Variants in CHST15 observed in about 807,000 individuals in gnomAD.
The protein encoded by CHST15 is B cell RAG associated protein (GALNAC4S-6ST).
In CHST15, 30 loss-of-function variants were observed where a neutral mutation model predicts 53.6. That is an observed-to-expected ratio of 0.56 (90% CI 0.42 to 0.76). The LOEUF is 0.76. Ranked by LOEUF, CHST15 falls within the 30% of genes least tolerant of loss-of-function variation. The probability of loss-of-function intolerance (pLI) is 0.00; values close to 1 mark genes in which losing one functional copy is unlikely to be tolerated. For missense variants in CHST15, 627 were observed against 740.5 expected, an observed-to-expected ratio of 0.85 and a Z score of 1.78; for synonymous variants, 296 against 289.8, an observed-to-expected ratio of 1.02 and a Z score of -0.22.
chr10:124,012,214 C>T (rs773788862), intron 7 of CHST15, 119 bp downstream of exon 7: 46 of 1,155,178 alleles, frequency 4.0e-5, no homozygotes, highest in Non-Finnish European at 5.4e-5. Flanking sequence ...CATCCCCAGG[C>T]CTCCCAGCTC....
chr10:124,086,582 C>T (rs1404185700), intron 1 of CHST15, among the ~76,000 whole-genome samples: 6 of 152,214 alleles, frequency 3.9e-5, no homozygotes, highest in African/African-American at 1.4e-4. Context: ...ACTTCCTTGC[C>T]CACTGGTTCA....
chr10:124,078,528 T>G (rs1271796372), intron 1 of CHST15, among the ~76,000 whole-genome samples: 1 of 152,200 alleles, frequency 6.6e-6, no homozygotes, highest in Non-Finnish European at 1.5e-5. Context: ...TCTTTATGTC[T>G]CAGAATCTCT....
rs375538378 is a variant in CHST15, at chr10:124,059,713, C to T, written c.-512-12989G>A. Among the ~76,000 whole-genome samples the T allele has an allele frequency of 1.2e-4, 18 of 152,266 alleles. No homozygotes were observed. In the East Asian group the frequency reaches 2.9e-3, roughly 24 times the overall value. ...CACCCTAGAATGAATCCATTACAGG[C>T]GGCGCGACTGAAAGGGGAGCAGCTG... On this transcript the variant is annotated intron_variant, in intron 1 of 7. Transcript: ENST00000435907.
intron 1 of CHST15, among the ~76,000 whole-genome samples, chr10:124,083,162 T>A (rs1024262791): frequency 7.9e-5 from 12 of 152,200 alleles, no homozygotes; most frequent in Non-Finnish European, 1.2e-4. Context: ...TGATTTTTTT[T>A]AATAAATCAG....
At chr10:124,066,226 A>T (rs1209914878) in intron 1 of CHST15, among the ~76,000 whole-genome samples, 1 of 152,068 alleles carries the variant, frequency 6.6e-6, no homozygotes, top group Non-Finnish European at 1.5e-5. Flanking sequence ...CAAGTTACAG[A>T]GTGTTGGGCT....
chr10:124,078,541 G>T (rs887389525), intron 1 of CHST15, among the ~76,000 whole-genome samples: 1 of 152,180 alleles, frequency 6.6e-6, no homozygotes, highest in African/African-American at 2.4e-5. Context: ...GAATCTCTCA[G>T]ATCTGAGGTA....
chr10:124,080,925 T>G (rs1284432660), intron 1 of CHST15, among the ~76,000 whole-genome samples: 1 of 152,220 alleles, frequency 6.6e-6, no homozygotes, highest in Non-Finnish European at 1.5e-5. Flanking sequence ...ACACATTTCC[T>G]GTTCTGAAGG....
intron 1 of CHST15, among the ~76,000 whole-genome samples, chr10:124,056,080 T>C (rs947160021): frequency 2.0e-5 from 3 of 152,170 alleles, no homozygotes; most frequent in Admixed American, 1.3e-4. Flanking sequence ...CAGCCCATTA[T>C]AGAAAGATGG....
rs913789665 is a variant in CHST15 at position 124,009,922 on chromosome 10, TG to T, written c.*226del. 70 of 1,370,488 alleles carry T rather than the reference TG, an allele frequency of 5.1e-5. No homozygotes were observed. In the African/African-American group the frequency reaches 9.7e-4, roughly 19 times the overall value. 84.9% of individuals were successfully genotyped at this position (1,370,488 alleles called of 1,614,324 possible). A position where few individuals can be genotyped will look rare whatever the true frequency, so the allele number is the denominator to read the frequency against. ...GAGCAGAGCTGAATTCTTGAGAAACTGGGGTCTCCAATGGCCTCGGATAGAG... is the reference window on the plus strand; with the variant it reads ...GAGCAGAGCTGAATTCTTGAGAAACTGGGTCTCCAATGGCCTCGGATAGAG... On this transcript the variant is annotated 3_prime_UTR_variant, in exon 8 of 8. Coordinates refer to ENST00000435907, the MANE Select transcript of CHST15 (RefSeq NM_001270764.2).
chr10:124,074,125 C>T lies in CHST15; in HGVS notation c.-513+19344G>A, dbSNP rs1488466605. Among the ~76,000 whole-genome samples, 1 of 152,210 alleles carries T rather than the reference C, an allele frequency of 6.6e-6. No individual in the cohort carries two copies. The highest frequency in any genetic ancestry group is 2.4e-5 in the African/African-American group (1 of 41,438). On this transcript the variant is annotated intron_variant, in intron 1 of 7. Coordinates refer to ENST00000435907, the MANE Select transcript of CHST15 (RefSeq NM_001270764.2). This position sits in a 1 kb window ranked among gnomAD's most constrained non-coding sequence, Gnocchi z 4.4. ...AGGACAGAAGTGGGTGTGATTAGCG[C>T]AAGCTCAAGTCACGCCTGCTGCACC... is the stretch of plus-strand genomic sequence containing the variant.
intron 1 of CHST15, among the ~76,000 whole-genome samples, chr10:124,059,395 A>AT (rs1182078791): frequency 2.6e-5 from 4 of 152,124 alleles, no homozygotes; most frequent in African/African-American, 4.8e-5. Flanking sequence ...CTGTCCAACA[A>AT]TTTTTCCTTG....
At chr10:124,062,356 G>T (rs890355552) in intron 1 of CHST15, among the ~76,000 whole-genome samples, 3 of 152,142 alleles carry the variant, frequency 2.0e-5, no homozygotes, top group African/African-American at 7.2e-5. Context: ...GAAACATGGC[G>T]GGGAGGAAAG....
At chr10:124,039,205 C>G (rs56673922) in intron 4 of CHST15, among the ~76,000 whole-genome samples, 1 of 152,196 alleles carries the variant, frequency 6.6e-6, no homozygotes, top group Non-Finnish European at 1.5e-5. Flanking sequence ...ATGGAGTTCT[C>G]TCTGAACTGG....
Position 124,024,939 on chromosome 10 carries a change from C to A in CHST15, c.1191-3527G>T, listed in dbSNP as rs1400493733. On this transcript the variant is annotated intron_variant, in intron 5 of 7. Transcript: ENST00000435907. The surrounding 1 kb of genome is among the most constrained non-coding windows in gnomAD (Gnocchi z 4.0). ...CTTCTGAAACTGTCATAAAATCCCA[C>A]GTTAAATAAGTATTCGAAGCCCAGT... Among the ~76,000 whole-genome samples, 1 of 152,186 alleles carries A rather than the reference C, an allele frequency of 6.6e-6. No homozygotes were observed. Among genetic ancestry groups the A allele is most frequent in the East Asian group, 1.9e-4 (1 of 5,198 alleles).
rs967476081 is a variant in CHST15, at chr10:124,024,322, C to T, written c.1191-2910G>A. ...GACAGGCCCAGAAGCTATCCACCTC[C>T]GTAGCCCACCTTGGCACATCGGGTG... On this transcript the variant is annotated intron_variant, in intron 5 of 7. Transcript: ENST00000435907. This position sits in a 1 kb window ranked among gnomAD's most constrained non-coding sequence, Gnocchi z 4.0. Among the ~76,000 whole-genome samples the T allele has an allele frequency of 5.3e-5, 8 of 152,222 alleles. No individual in the cohort carries two copies. Among genetic ancestry groups the T allele is most frequent in the Admixed American group, 1.3e-4 (2 of 15,280 alleles).
intron 1 of CHST15, among the ~76,000 whole-genome samples, chr10:124,072,491 CA>C (rs369042699): frequency 7.0e-4 from 107 of 152,214 alleles, no homozygotes; most frequent in African/African-American, 2.5e-3. Context: ...GTTGGAAGTC[CA>C]GGGGGTGGGT....
chr10:124,043,890 A>T (rs746424870), intron 3 of CHST15, among the ~76,000 whole-genome samples: 18 of 146,560 alleles, frequency 1.2e-4, no homozygotes, highest in Non-Finnish European at 2.2e-4. Flanking sequence ...AGAGCAGAGG[A>T]ACAGCACAGA....
At chr10:124,018,338 A>G (rs1473656731) in intron 6 of CHST15, among the ~76,000 whole-genome samples, 2 of 152,240 alleles carry the variant, frequency 1.3e-5, no homozygotes, top group African/African-American at 2.4e-5. Flanking sequence ...TAGGATTCCA[A>G]TTATATCATT....
chr10:124,043,531 A>G (rs1275304154), intron 3 of CHST15, among the ~76,000 whole-genome samples: 1 of 152,266 alleles, frequency 6.6e-6, no homozygotes, highest in African/African-American at 2.4e-5. Context: ...CATTACTGGA[A>G]AACACCCTCG....
Sources: gnomAD v4.1 joint callset for allele counts (sites outside exome capture counted in the v4.1 genomes callset) on GRCh38, gnomAD v4.1.1 for gene constraint, Gnocchi (gnomAD v3.1) non-coding constraint, MANE v1.5 for transcripts, NCBI Gene and HGNC (gene_info 2026-07-23, HGNC 2026-07-21) for gene names.